Variants in COMMD1 observed in about 807,000 individuals in gnomAD.
The protein encoded by COMMD1 is COMM domain-containing protein 1.
In COMMD1, 10 loss-of-function variants were observed where a neutral mutation model predicts 17.2. That is an observed-to-expected ratio of 0.58 (90% CI 0.36 to 0.99). The LOEUF (loss-of-function observed/expected upper bound fraction) is 0.99. Among genes scored for constraint, COMMD1 ranks in the 50% least tolerant of loss-of-function variants. The probability of loss-of-function intolerance (pLI) is 0.01; values close to 1 mark genes in which losing one functional copy is unlikely to be tolerated. For synonymous variants in COMMD1, 97 were observed against 91.6 expected (o/e 1.06, Z -0.34); for missense variants, 270 against 231.8 (o/e 1.17, Z -1.07).
rs897115078 is a variant in COMMD1 at position 61,946,990 on chromosome 2, A to G, written c.180+41132A>G. ...ATTTTTAACAATTAATCTTTATTTTACAGGGAAATCTAGGAAGTAGACAGT... is the reference window on the plus strand; with the variant it reads ...ATTTTTAACAATTAATCTTTATTTTGCAGGGAAATCTAGGAAGTAGACAGT... On this transcript the variant is annotated intron_variant, in intron 1 of 2. Coordinates refer to ENST00000311832, the MANE Select transcript of COMMD1 (RefSeq NM_152516.4). Among the ~76,000 whole-genome samples the G allele has an allele frequency of 2.0e-5, 3 of 152,202 alleles. No homozygotes were observed. In the South Asian group the frequency reaches 6.2e-4, roughly 31 times the overall value.
chr2:62,012,270 T>TACAC (rs57739132), intron 2 of COMMD1, among the ~76,000 whole-genome samples: 13,345 of 129,758 alleles, frequency 0.1, 699 homozygotes, highest in Middle Eastern at 0.12. Context: ...CACACACACA[T>TACAC]ACACACACAC....
chr2:62,072,951 G>T (rs1254611525), intron 2 of COMMD1, among the ~76,000 whole-genome samples: 1 of 152,244 alleles, frequency 6.6e-6, no homozygotes, highest in Non-Finnish European at 1.5e-5. Context: ...CTTGTGGTGG[G>T]CATGGGATCC....
chr2:61,942,143 G>C (rs566031054), intron 1 of COMMD1, among the ~76,000 whole-genome samples: 3 of 151,878 alleles, frequency 2.0e-5, no homozygotes, highest in African/African-American at 7.3e-5. Context: ...TTGCTCTGTC[G>C]CCCAGGCTGG....
intron 2 of COMMD1, among the ~76,000 whole-genome samples, chr2:62,079,400 A>G (rs1163244862): frequency 6.6e-6 from 1 of 152,218 alleles, no homozygotes; most frequent in African/African-American, 2.4e-5. Flanking sequence ...CTTTAAAGCA[A>G]AATTAGGAAT....
At chr2:62,103,883 C>T (rs1184132683) in intron 2 of COMMD1, among the ~76,000 whole-genome samples, 3 of 152,118 alleles carry the variant, frequency 2.0e-5, no homozygotes, top group Non-Finnish European at 4.4e-5. Context: ...CTCTCTCACC[C>T]ACGCTGGAGT....
At chr2:62,119,076 A>T (rs1457353240) in intron 2 of COMMD1, 1 of 151,674 alleles carries the variant, frequency 6.6e-6, no homozygotes, top group Non-Finnish European at 1.5e-5. Flanking sequence ...GTTAAGTTAC[A>T]ATGAGACTGT....
At chr2:61,980,937 C>T (rs1006862989) in intron 1 of COMMD1, among the ~76,000 whole-genome samples, 17 of 151,968 alleles carry the variant, frequency 1.1e-4, no homozygotes, top group Non-Finnish European at 2.5e-4. Context: ...GTATGTTTGC[C>T]TTTTTTATTT....
rs932680663 is a variant in COMMD1, at chr2:61,972,992, A to G, written c.181-27709A>G. Among the ~76,000 whole-genome samples, 4 of 152,028 alleles carry G rather than the reference A, an allele frequency of 2.6e-5. No individual in the cohort carries two copies. The East Asian group carries it at 7.7e-4, about 29-fold the overall frequency. On this transcript the variant is annotated intron_variant, in intron 1 of 2. Coordinates refer to ENST00000311832, the MANE Select transcript of COMMD1 (RefSeq NM_152516.4). ...GGCCCTTATAAAATTTCATATAAGT[A>G]GTATACTTATATGAAATACTACTTT...
intron 1 of COMMD1, among the ~76,000 whole-genome samples, chr2:61,998,124 TAAAG>T (rs1668815040): frequency 1.3e-5 from 2 of 152,264 alleles, no homozygotes; most frequent in South Asian, 4.1e-4. Flanking sequence ...TACATATAAT[TAAAG>T]AAAGTTAGGG....
intron 1 of COMMD1, among the ~76,000 whole-genome samples, chr2:61,891,905 C>T (rs1212412118): frequency 1.3e-5 from 2 of 151,688 alleles, no homozygotes; most frequent in East Asian, 4.0e-4. Context: ...AATCTCGGCT[C>T]ACTGCAAGCT....
At chr2:61,914,444 G>A (rs1458970665) in intron 1 of COMMD1, among the ~76,000 whole-genome samples, 1 of 151,376 alleles carries the variant, frequency 6.6e-6, no homozygotes, top group Non-Finnish European at 1.5e-5. Context: ...ATGGTGGCGT[G>A]TACCTGTAGT....
chr2:61,971,280 G>A (rs1671644633), intron 1 of COMMD1, among the ~76,000 whole-genome samples: 1 of 152,224 alleles, frequency 6.6e-6, no homozygotes, highest in Admixed American at 6.5e-5. Context: ...TGCAAGTCCT[G>A]CCCCTGCACC....
At chr2:62,109,353 A>C (rs1672394154) in intron 2 of COMMD1, among the ~76,000 whole-genome samples, 1 of 152,204 alleles carries the variant, frequency 6.6e-6, no homozygotes, top group African/African-American at 2.4e-5. Flanking sequence ...TAAGGTTTTA[A>C]AACAGCTAAT....
chr2:61,918,383 T>C (rs910611321), intron 1 of COMMD1, among the ~76,000 whole-genome samples: 1 of 152,198 alleles, frequency 6.6e-6, no homozygotes, highest in East Asian at 1.9e-4. Flanking sequence ...AAATGACTGA[T>C]GTTACTTTTT....
chr2:61,924,879 C>T (rs532426876), intron 1 of COMMD1, among the ~76,000 whole-genome samples: 1 of 152,294 alleles, frequency 6.6e-6, no homozygotes, highest in African/African-American at 2.4e-5. Flanking sequence ...AGGGCGTCCC[C>T]TTTCCCGTGG....
chr2:62,041,306 TGTG>T (rs945117600), intron 2 of COMMD1, among the ~76,000 whole-genome samples: 4 of 152,206 alleles, frequency 2.6e-5, no homozygotes, highest in African/African-American at 7.2e-5. Flanking sequence ...GAAAACTACT[TGTG>T]GTTTTTTTTT....
At chr2:61,919,604 T>A (rs1670136372) in intron 1 of COMMD1, among the ~76,000 whole-genome samples, 5 of 152,006 alleles carry the variant, frequency 3.3e-5, no homozygotes, top group Admixed American at 3.3e-4. Context: ...ACAGGTTGAT[T>A]TGACAAGTTT....
At chr2:62,056,842 A>G (rs1223807774) in intron 2 of COMMD1, among the ~76,000 whole-genome samples, 1 of 152,190 alleles carries the variant, frequency 6.6e-6, no homozygotes, top group Non-Finnish European at 1.5e-5. Flanking sequence ...GCTTGACATC[A>G]CAAATGACGG....
At chr2:61,948,521 C>G (rs1249265725) in intron 1 of COMMD1, among the ~76,000 whole-genome samples, 3 of 152,086 alleles carry the variant, frequency 2.0e-5, no homozygotes, top group African/African-American at 7.2e-5. Context: ...TACACATATA[C>G]AGACAAAAGC....
Sources: allele counts gnomAD v4.1 joint callset (sites outside exome capture counted in the v4.1 genomes callset), GRCh38; gene constraint gnomAD v4.1.1; transcripts MANE v1.5; gene names NCBI Gene and HGNC (gene_info 2026-07-23, HGNC 2026-07-21).